C12orf60: variants seen among roughly 807,000 people sequenced by gnomAD.
C12orf60 encodes the protein uncharacterized protein C12orf60.
For synonymous variants in C12orf60, 102 were observed against 94.6 expected, an observed-to-expected ratio of 1.08 and a Z score of -0.45; for missense variants, 284 against 283.2, an observed-to-expected ratio of 1.00 and a Z score of -0.02.
intron 1 of C12orf60, among the ~76,000 whole-genome samples, chr12:14,807,890 G>A (rs1317042485): frequency 1.3e-5 from 2 of 152,210 alleles, no homozygotes; most frequent in African/African-American, 2.4e-5. Context: ...AAGGGGCCGG[G>A]CATGGTGGCT....
intron 1 of C12orf60, among the ~76,000 whole-genome samples, chr12:14,818,568 C>T (rs1303699398): frequency 6.6e-6 from 1 of 152,014 alleles, no homozygotes; most frequent in Non-Finnish European, 1.5e-5. Context: ...ATCATGAGGT[C>T]AGGAGATGGA....
chr12:14,811,001 A>C (rs953198388), intron 1 of C12orf60, among the ~76,000 whole-genome samples: 26 of 152,302 alleles, frequency 1.7e-4, no homozygotes, highest in African/African-American at 5.8e-4. Flanking sequence ...TACTTTCTCC[A>C]TCTTATTCCA....
Position 14,823,786 on chromosome 12 carries a change from T to A in C12orf60, c.*113T>A. 1 of 937,590 alleles carries A rather than the reference T, an allele frequency of 1.1e-6. No individual in the cohort carries two copies. Among genetic ancestry groups the A allele is most frequent in the Non-Finnish European group, 1.5e-6 (1 of 676,698 alleles). 58.1% of individuals were successfully genotyped at this position (937,590 alleles called of 1,614,324 possible). On this transcript the variant is annotated 3_prime_UTR_variant, in exon 2 of 2. Coordinates refer to ENST00000330828, the MANE Select transcript of C12orf60 (RefSeq NM_175874.4). ...AACATGTGCTATGTTAGAACATAAG[T>A]ACACAAAAGTCATCTGGCAAAACAT...
intron 1 of C12orf60, among the ~76,000 whole-genome samples, chr12:14,813,667 A>C (rs1327234523): frequency 6.6e-6 from 1 of 152,206 alleles, no homozygotes; most frequent in African/African-American, 2.4e-5. Context: ...AGATATTTAG[A>C]TACAACATAA....
chr12:14,823,442 AT>A lies in C12orf60; in HGVS notation c.508del (p.Ser170LeufsTer15), dbSNP rs1669721957. On this transcript the variant is annotated frameshift_variant, in exon 2 of 2. Coordinates refer to ENST00000330828, the MANE Select transcript of C12orf60 (RefSeq NM_175874.4). LOFTEE classifies it low-confidence loss of function (END_TRUNC). ...DTKEQSDVTTSERTRSPPGSS... is the reference protein window; with the variant it reads ...DTKEQSDVTTXERTRSPPGSS... ...CCAAAGAGCAATCAGATGTCACCAC[AT>A]CTGAGAGAACCAGAAGTCCTCCAGG... 1 of 1,613,486 alleles carries A rather than the reference AT, an allele frequency of 6.2e-7. No individual in the cohort carries two copies. The highest frequency in any genetic ancestry group is 1.3e-5 in the African/African-American group (1 of 74,760).
At chr12:14,805,807 A>G in intron 1 of C12orf60, 2 of 635,278 alleles carry the variant, frequency 3.1e-6, no homozygotes, top group Middle Eastern at 4.3e-4. Context: ...AGGGTCTAGC[A>G]TCAGCTGATC....
chr12:14,823,711 C>T lies in C12orf60; in HGVS notation c.*38C>T. The T allele has an allele frequency of 6.7e-7, 1 of 1,499,280 alleles. No individual in the cohort carries two copies. Among genetic ancestry groups the T allele is most frequent in the South Asian group, 1.4e-5 (1 of 69,506 alleles). The allele number at this position is 1,499,280 out of a possible 1,614,324, so 92.9% of individuals were successfully genotyped here. On this transcript the variant is annotated 3_prime_UTR_variant, in exon 2 of 2. Transcript: ENST00000330828. Reference sequence around the variant, plus strand: ...AATGTTCATTTCTGTCAGAAAACTACTTAAAATCTTATGGTTTTTCATAGT... The same window carrying T: ...AATGTTCATTTCTGTCAGAAAACTATTTAAAATCTTATGGTTTTTCATAGT...
intron 1 of C12orf60, among the ~76,000 whole-genome samples, chr12:14,804,313 T>C (rs761011185): frequency 6.3e-4 from 96 of 152,298 alleles, no homozygotes; most frequent in Admixed American, 4.6e-4. Context: ...CCCCCACTTA[T>C]TTCCCTTAAA....
In C12orf60 at chr12:14,822,910, A is replaced by G; in HGVS notation, c.-24-2A>G. 2 of 1,533,230 alleles carry G rather than the reference A, an allele frequency of 1.3e-6. No homozygotes were observed. The highest frequency in any genetic ancestry group is 1.8e-6 in the Non-Finnish European group (2 of 1,142,010). The allele number at this position is 1,533,230 out of a possible 1,614,324, so 95.0% of individuals were successfully genotyped here. A position where few individuals can be genotyped will look rare whatever the true frequency, so the allele number is the denominator to read the frequency against. On this transcript the variant is annotated splice_acceptor_variant, in intron 1 of 1. Transcript: ENST00000330828. LOFTEE classifies it low-confidence loss of function (5UTR_SPLICE). ...CATTTGGATTACTGCTTTGCTTTGC[A>G]GTGTTGGAACTTATTTGTTGGAGAA...
Position 14,823,483 on chromosome 12 carries a change from C to G in C12orf60, c.548C>G (p.Thr183Ser). The change falls in exon 2 of 2, where the codon ACT (threonine) becomes AGT (serine). Residue 183 changes from threonine to serine, a missense_variant. Transcript: ENST00000330828. Reference sequence around the variant, plus strand: ...AGTCCTCCAGGTTCTTCCAAAACCACTATGATAGACACCTTGAAAAAACTG... The same window carrying G: ...AGTCCTCCAGGTTCTTCCAAAACCAGTATGATAGACACCTTGAAAAAACTG... Reference protein sequence around the residue: ...TRSPPGSSKTTMIDTLKKLQD... With the variant: ...TRSPPGSSKTSMIDTLKKLQD... 6.2e-7 allele frequency: 1 copy of G among 1,612,716 alleles called. No individual in the cohort carries two copies.
chr12:14,816,298 G>A lies in C12orf60; in HGVS notation c.-24-6614G>A, dbSNP rs142142265. 4.1e-3 allele frequency among the ~76,000 whole-genome samples: 625 copies of A among 152,192 alleles called. 4 individuals carry two copies. The highest frequency in any genetic ancestry group is 0.014 in the African/African-American group (599 of 41,518). ...CTCTCACTTGATCGTCTTTTATTTA[G>A]AATGCTTTATTTTCCCTTTTATCCT... On this transcript the variant is annotated intron_variant, in intron 1 of 1. Coordinates refer to ENST00000330828, the MANE Select transcript of C12orf60 (RefSeq NM_175874.4).
intron 1 of C12orf60, among the ~76,000 whole-genome samples, chr12:14,808,519 T>C (rs937000010): frequency 1.3e-5 from 2 of 152,234 alleles, no homozygotes; most frequent in African/African-American, 4.8e-5. Context: ...ACGGTTCTTA[T>C]TCTGCTTAAG....
intron 1 of C12orf60, among the ~76,000 whole-genome samples, chr12:14,810,217 C>T (rs1026642178): frequency 1.3e-5 from 2 of 152,118 alleles, no homozygotes; most frequent in African/African-American, 2.4e-5. Context: ...AGCAGGCCTG[C>T]CACCATACCT....
At chr12:14,810,073 G>T (rs1184731063) in intron 1 of C12orf60, among the ~76,000 whole-genome samples, 2 of 152,178 alleles carry the variant, frequency 1.3e-5, no homozygotes, top group African/African-American at 4.8e-5. Context: ...TTTGGCTAAA[G>T]AAATGTTATG....
At chr12:14,821,812 G>T (rs1950309627) in intron 1 of C12orf60, among the ~76,000 whole-genome samples, 2 of 151,986 alleles carry the variant, frequency 1.3e-5, no homozygotes, top group South Asian at 4.2e-4. Context: ...GTTCTCACCT[G>T]GGGGCAAAGC....
chr12:14,812,762 A>G (rs938444738), intron 1 of C12orf60, among the ~76,000 whole-genome samples: 10 of 151,854 alleles, frequency 6.6e-5, no homozygotes, highest in African/African-American at 9.7e-5. Flanking sequence ...AATTTTTACA[A>G]TTTTTATTTT....
intron 1 of C12orf60, among the ~76,000 whole-genome samples, chr12:14,810,099 T>C (rs61920258): frequency 1.1e-3 from 169 of 152,354 alleles, no homozygotes; most frequent in Non-Finnish European, 1.5e-3. Context: ...CTAAGAATTA[T>C]GTTTCCCTTA....
At chr12:14,819,473 A>G (rs1950273382) in intron 1 of C12orf60, among the ~76,000 whole-genome samples, 1 of 152,076 alleles carries the variant, frequency 6.6e-6, no homozygotes, top group South Asian at 2.1e-4. Flanking sequence ...CTAGAGAGGT[A>G]GTTTTATCTC....
intron 1 of C12orf60, among the ~76,000 whole-genome samples, chr12:14,812,836 G>A (rs74781448): frequency 0.011 from 1,695 of 152,160 alleles, 16 homozygotes; most frequent in South Asian, 0.038. Context: ...GAGGTTTACT[G>A]TGAATGATCC....
Sources: gnomAD v4.1 joint callset for allele counts (sites outside exome capture counted in the v4.1 genomes callset) on GRCh38, gnomAD v4.1.1 for gene constraint, MANE v1.5 for transcripts, NCBI Gene and HGNC (gene_info 2026-07-23, HGNC 2026-07-21) for gene names.